Variants in COP1 observed in about 807,000 individuals in gnomAD.
COP1 encodes the protein E3 ubiquitin-protein ligase COP1.
A neutral mutation model predicts 101.3 loss-of-function variants in COP1; 24 were observed. The observed-to-expected ratio is 0.24, with a 90% CI of 0.17 to 0.33. The LOEUF (loss-of-function observed/expected upper bound fraction) is 0.33. COP1 is among the 10% of genes least tolerant of loss of function. COP1 has a pLI of 1.00. For synonymous variants in COP1, 347 were observed against 341.9 expected (o/e 1.01, Z -0.17); for missense variants, 663 against 906.2 (o/e 0.73, Z 3.45).
At chr1:176,076,758 A>G (rs1471165385) in intron 11 of COP1, among the ~76,000 whole-genome samples, 1 of 152,178 alleles carries the variant, frequency 6.6e-6, no homozygotes, top group Non-Finnish European at 1.5e-5. Flanking sequence ...GAAGATCAAA[A>G]TAAGTGCAAT....
At chr1:176,171,118 C>T (rs1197478993) in intron 3 of COP1, among the ~76,000 whole-genome samples, 3 of 105,960 alleles carry the variant, frequency 2.8e-5, no homozygotes, top group African/African-American at 7.4e-5. Context: ...GAGCGAGACT[C>T]CATCTCAAAA....
intron 5 of COP1, among the ~76,000 whole-genome samples, chr1:176,151,337 AG>A (rs1558211234): frequency 9.4e-5 from 13 of 138,814 alleles, no homozygotes; most frequent in Middle Eastern, 3.9e-3. Flanking sequence ...GAAAGAAAGA[AG>A]GAAGGAAAGA....
intron 18 of COP1, among the ~76,000 whole-genome samples, chr1:175,967,580 C>T (rs1419887912): frequency 6.6e-6 from 1 of 152,198 alleles, no homozygotes; most frequent in Non-Finnish European, 1.5e-5. Context: ...GGAGCAACCT[C>T]TCCCCACAAC....
At chr1:175,947,368 CA>C in intron 18 of COP1, 129 bp from the exon 19 acceptor site, 7 of 561,938 alleles carry the variant, frequency 1.2e-5, no homozygotes, top group African/African-American at 4.0e-5. Flanking sequence ...TATGAAGATA[CA>C]ATTTTTTTTT....
intron 5 of COP1, among the ~76,000 whole-genome samples, chr1:176,156,231 T>C (rs1352528416): frequency 6.6e-6 from 1 of 152,142 alleles, no homozygotes; most frequent in African/African-American, 2.4e-5. Context: ...AGTAGCATAC[T>C]ATAAACTGTG....
Position 175,989,889 on chromosome 1 carries a change from C to T in COP1, c.1730-410G>A, listed in dbSNP as rs941253096. 6.6e-5 allele frequency among the ~76,000 whole-genome samples: 10 copies of T among 152,096 alleles called. No individual in the cohort carries two copies. In the South Asian group the frequency reaches 1.2e-3, roughly 19 times the overall value. On this transcript the variant is annotated intron_variant, in intron 15 of 19. Coordinates refer to ENST00000367669, the MANE Select transcript of COP1 (RefSeq NM_022457.7). ...AACGATCTTTACTAAATTTAACCAG[C>T]AGTTCAACTATTACCATAAATCAGT... is the stretch of plus-strand genomic sequence containing the variant.
At chr1:176,177,467 T>C (rs1697127523) in intron 2 of COP1, among the ~76,000 whole-genome samples, 1 of 152,102 alleles carries the variant, frequency 6.6e-6, no homozygotes, top group Admixed American at 6.5e-5. Context: ...CATATATGTG[T>C]ACATTTAAAA....
At chr1:175,954,563 C>T (rs1475068392) in intron 18 of COP1, among the ~76,000 whole-genome samples, 1 of 151,836 alleles carries the variant, frequency 6.6e-6, no homozygotes, top group African/African-American at 2.4e-5. Flanking sequence ...TGGGATATCA[C>T]TAGATATTCT....
At chr1:175,996,598 C>A (rs2148820536) in intron 15 of COP1, among the ~76,000 whole-genome samples, 1 of 151,954 alleles carries the variant, frequency 6.6e-6, no homozygotes, top group South Asian at 2.1e-4. Context: ...TTCTTATACA[C>A]CAATAACAGA....
chr1:176,155,088 C>T (rs1693242964), intron 5 of COP1, among the ~76,000 whole-genome samples: 1 of 152,050 alleles, frequency 6.6e-6, no homozygotes. Context: ...TCACAGACAA[C>T]ACTTTCACAG....
chr1:176,180,261 A>T (rs995088549), intron 2 of COP1, among the ~76,000 whole-genome samples: 2 of 152,254 alleles, frequency 1.3e-5, no homozygotes, highest in African/African-American at 4.8e-5. Context: ...GAGTAGATAC[A>T]GCCAGGAAAG....
chr1:176,170,754 C>T (rs1279746425), intron 3 of COP1, among the ~76,000 whole-genome samples: 1 of 152,100 alleles, frequency 6.6e-6, no homozygotes, highest in Non-Finnish European at 1.5e-5. Context: ...GAGAGTCAGC[C>T]TGTCCTTGGA....
intron 9 of COP1, among the ~76,000 whole-genome samples, chr1:176,100,085 G>T (rs1683122045): frequency 6.6e-6 from 1 of 152,138 alleles, no homozygotes; most frequent in Admixed American, 6.5e-5. Context: ...ATCATGATTT[G>T]TTTTTTAACA....
intron 15 of COP1, among the ~76,000 whole-genome samples, chr1:176,007,756 A>G (rs1211996422): frequency 6.6e-6 from 1 of 152,174 alleles, no homozygotes; most frequent in African/African-American, 2.4e-5. Context: ...AAGCTGTCAG[A>G]CAGGGACATT....
At chr1:176,010,889 C>A (rs1354691803) in intron 15 of COP1, among the ~76,000 whole-genome samples, 1 of 152,126 alleles carries the variant, frequency 6.6e-6, no homozygotes, top group African/African-American at 2.4e-5. Context: ...AAGGTGATAT[C>A]AAAAATATCA....
intron 18 of COP1, among the ~76,000 whole-genome samples, chr1:175,967,189 G>T (rs1456971572): frequency 6.6e-6 from 1 of 152,092 alleles, no homozygotes; most frequent in Non-Finnish European, 1.5e-5. Context: ...CCACAAACAA[G>T]GATCCTCATA....
At chr1:176,058,435 AT>A (rs1674215629) in intron 11 of COP1, among the ~76,000 whole-genome samples, 2 of 152,178 alleles carry the variant, frequency 1.3e-5, no homozygotes, top group African/African-American at 4.8e-5. Context: ...AAAAATTCTT[AT>A]CCTGTTGATC....
chr1:176,078,533 A>G (rs1678488572), intron 11 of COP1, among the ~76,000 whole-genome samples: 1 of 152,154 alleles, frequency 6.6e-6, no homozygotes, highest in Admixed American at 6.6e-5. Flanking sequence ...TCAAACTATA[A>G]AAATCCTAGA....
chr1:176,008,948 T>A (rs372898516), intron 15 of COP1, among the ~76,000 whole-genome samples: 1 of 152,212 alleles, frequency 6.6e-6, no homozygotes, highest in Admixed American at 6.5e-5. Context: ...TGTGTGTATG[T>A]TGTGGAATGC....
Sources: allele counts gnomAD v4.1 joint callset (sites outside exome capture counted in the v4.1 genomes callset), GRCh38; gene constraint gnomAD v4.1.1; transcripts MANE v1.5; gene names NCBI Gene and HGNC (gene_info 2026-07-23, HGNC 2026-07-21).